ERP44: variants seen among roughly 807,000 people sequenced by gnomAD.
ERP44 encodes endoplasmic reticulum protein 44, also known as endoplasmic reticulum resident protein 44.
ERP44 carries 25 observed loss-of-function variants against 53.4 expected under a neutral mutation model. That is an observed-to-expected ratio of 0.47 (90% confidence interval 0.34 to 0.65). ERP44 has a LOEUF of 0.65. Ranked by LOEUF, ERP44 falls within the 30% of genes least tolerant of loss-of-function variation. ERP44 has a pLI of 0.01. For synonymous variants in ERP44, 145 were observed against 161.2 expected (o/e 0.90, Z 0.76); for missense variants, 338 against 493.2 (o/e 0.69, Z 2.98).
chr9:99,984,890 G>A lies in ERP44; in HGVS notation c.1119+77C>T, dbSNP rs1830180375. On this transcript the variant is annotated intron_variant, in intron 11 of 11. Coordinates refer to ENST00000262455, the MANE Select transcript of ERP44 (RefSeq NM_015051.3). ...GAAGCTGAAGCTCAAGCTGATGCAA[G>A]AACTTCAGACCCTCTTTGAGGCTAA... 6.3e-6 allele frequency: 5 copies of A among 791,352 alleles called. No individual in the cohort carries two copies. The South Asian group carries it at 7.1e-5, about 11-fold the overall frequency. The allele number at this position is 791,352 out of a possible 1,614,324, so 49.0% of individuals were successfully genotyped here.
intron 8 of ERP44, among the ~76,000 whole-genome samples, chr9:100,011,519 A>C (rs1830476473): frequency 6.6e-6 from 1 of 152,306 alleles, no homozygotes; most frequent in African/African-American, 2.4e-5. Flanking sequence ...CTTACAATGA[A>C]AAATGGTTTG....
chr9:100,007,658 A>G lies in ERP44; in HGVS notation c.794T>C (p.Ile265Thr). 1 of 1,601,104 alleles carries G rather than the reference A, an allele frequency of 6.2e-7. No individual in the cohort carries two copies. The highest frequency in any genetic ancestry group is 8.6e-7 in the Non-Finnish European group (1 of 1,168,126). ...TGTATCTTCTTTCATGTGAAAGAGT[A>G]TGAGAAAAGGCAGTCCTTCTTCTGT... Reference protein sequence around the residue: ...ELTEEGLPFLILFHMKEDTES... With the variant: ...ELTEEGLPFLTLFHMKEDTES... The change falls in exon 9 of 12, where the codon ATA (isoleucine) becomes ACA (threonine). Residue 265 changes from isoleucine to threonine, a missense_variant. Coordinates refer to ENST00000262455, the MANE Select transcript of ERP44 (RefSeq NM_015051.3).
chr9:99,984,867 A>G (rs138634851), intron 11 of ERP44, 100 bp downstream of exon 11: 2 of 639,458 alleles, frequency 3.1e-6, no homozygotes, highest in Admixed American at 3.0e-5. Flanking sequence ...AATATTCAGA[A>G]GCTGAAGCTC....
At chr9:99,984,818 A>C (rs1830179928) in intron 11 of ERP44, 149 bp downstream of exon 11, 3 of 545,032 alleles carry the variant, frequency 5.5e-6, no homozygotes, top group Non-Finnish European at 9.7e-6. Context: ...TTAAAAATTA[A>C]TTTAAAAGGT....
At chr9:100,013,243 ACT>A (rs1830494385) in intron 8 of ERP44, among the ~76,000 whole-genome samples, 1 of 152,020 alleles carries the variant, frequency 6.6e-6, no homozygotes, top group Non-Finnish European at 1.5e-5. Flanking sequence ...CTGAAATTAT[ACT>A]CTTTCTTAAG....
Position 100,052,399 on chromosome 9 carries a change from T to C in ERP44, c.286+18A>G. The C allele has an allele frequency of 7.0e-7, 1 of 1,432,026 alleles. No homozygotes were observed. 88.7% of individuals were successfully genotyped at this position (1,432,026 alleles called of 1,614,324 possible). ...GGGATGGGACAGTCTCTTCTAGACT[T>C]CCTATTGAGGTACTTACAGTGCTGA... On this transcript the variant is annotated intron_variant, in intron 4 of 11. Coordinates refer to ENST00000262455, the MANE Select transcript of ERP44 (RefSeq NM_015051.3).
At chr9:100,049,186 A>C (rs1016300837) in intron 4 of ERP44, among the ~76,000 whole-genome samples, 4 of 152,108 alleles carry the variant, frequency 2.6e-5, no homozygotes, top group African/African-American at 9.7e-5. Flanking sequence ...GAGGAGGAAC[A>C]ATCACTTTAG....
intron 5 of ERP44, among the ~76,000 whole-genome samples, chr9:100,021,352 T>C (rs1830586660): frequency 6.6e-6 from 1 of 152,178 alleles, no homozygotes; most frequent in South Asian, 2.1e-4. Context: ...ATTGCCTCCA[T>C]AGGATTTGGA....
chr9:100,075,053 G>A (rs1489041080), intron 1 of ERP44, among the ~76,000 whole-genome samples: 4 of 152,210 alleles, frequency 2.6e-5, no homozygotes, highest in Non-Finnish European at 5.9e-5. Flanking sequence ...AAAATGGTAA[G>A]TCAAAAACAA....
At chr9:100,055,982 GTA>G (rs1826083596) in intron 3 of ERP44, among the ~76,000 whole-genome samples, 1 of 152,212 alleles carries the variant, frequency 6.6e-6, no homozygotes, top group Non-Finnish European at 1.5e-5. Context: ...ATATAAAAGA[GTA>G]TTAATTCATC....
Position 100,007,655 on chromosome 9 carries a change from AGTATG to A in ERP44, c.792_796del (p.Ile265LeufsTer16). ...TTCTGTATCTTCTTTCATGTGAAAG[AGTATG>A]AGAAAAGGCAGTCCTTCTTCTGTCA... On this transcript the variant is annotated frameshift_variant, in exon 9 of 12. Coordinates refer to ENST00000262455, the MANE Select transcript of ERP44 (RefSeq NM_015051.3). LOFTEE classifies it high-confidence loss of function. The A allele has an allele frequency of 6.2e-7, 1 of 1,602,948 alleles. No homozygotes were observed. Among genetic ancestry groups the A allele is most frequent in the Non-Finnish European group, 8.5e-7 (1 of 1,169,830 alleles).
At chr9:100,096,047 G>C (rs928861068) in intron 1 of ERP44, among the ~76,000 whole-genome samples, 2 of 151,866 alleles carry the variant, frequency 1.3e-5, no homozygotes, top group African/African-American at 4.8e-5. Flanking sequence ...GGACAATTAC[G>C]ACTAGTAACA....
chr9:100,034,642 A>G (rs1825829874), intron 4 of ERP44, among the ~76,000 whole-genome samples: 1 of 152,248 alleles, frequency 6.6e-6, no homozygotes, highest in Non-Finnish European at 1.5e-5. Context: ...GAAAGACAGG[A>G]ATAGTATTAA....
At chr9:100,096,420 A>T (rs558235746) in intron 1 of ERP44, among the ~76,000 whole-genome samples, 43 of 151,958 alleles carry the variant, frequency 2.8e-4, no homozygotes, top group African/African-American at 1.0e-3. Context: ...AAAGATATAT[A>T]TACATATAAA....
At chr9:100,097,858 A>C (rs1194893971) in intron 1 of ERP44, among the ~76,000 whole-genome samples, 8 of 152,240 alleles carry the variant, frequency 5.3e-5, no homozygotes. Flanking sequence ...TCGTTTCTTA[A>C]ATTGTAAAGA....
chr9:100,093,039 T>C (rs1302326041), intron 1 of ERP44, among the ~76,000 whole-genome samples: 2 of 152,216 alleles, frequency 1.3e-5, no homozygotes, highest in African/African-American at 2.4e-5. Context: ...GAGAACATCA[T>C]TGTATGCATA....
At chr9:100,010,023 T>C (rs1830457682) in intron 8 of ERP44, among the ~76,000 whole-genome samples, 1 of 151,900 alleles carries the variant, frequency 6.6e-6, no homozygotes, top group Non-Finnish European at 1.5e-5. Context: ...GTGCCCCTCA[T>C]GTGGCACGGG....
intron 10 of ERP44, among the ~76,000 whole-genome samples, chr9:100,005,498 A>G (rs1411989206): frequency 6.6e-6 from 1 of 152,268 alleles, no homozygotes; most frequent in African/African-American, 2.4e-5. Context: ...AAGTAAGAAC[A>G]ACTAAGATTT....
rs566926950 is a variant in ERP44, at chr9:100,074,558, T to C, written c.58-14386A>G. On this transcript the variant is annotated intron_variant, in intron 1 of 11. Transcript: ENST00000262455. Reference sequence around the variant, plus strand: ...CAATTTCCAGACTTGAGCCAGTTTATAGACCCAGAACCCCTTGAATGAAGG... The same window carrying C: ...CAATTTCCAGACTTGAGCCAGTTTACAGACCCAGAACCCCTTGAATGAAGG... Among the ~76,000 whole-genome samples, 3 of 152,264 alleles carry C rather than the reference T, an allele frequency of 2.0e-5. No individual in the cohort carries two copies. The East Asian group carries it at 5.8e-4, about 29-fold the overall frequency.
Sources: allele counts gnomAD v4.1 joint callset (sites outside exome capture counted in the v4.1 genomes callset), GRCh38; gene constraint gnomAD v4.1.1; transcripts MANE v1.5; gene names NCBI Gene and HGNC (gene_info 2026-07-23, HGNC 2026-07-21).